The following CERS6 variants were observed in gnomAD, a reference collection of about 807,000 sequenced individuals.
CERS6 encodes the protein ceramide synthase 6, also known as LAG1 homolog, ceramide synthase 6.
CERS6 carries 26 observed loss-of-function variants against 56.8 expected under a neutral mutation model. The observed-to-expected ratio is 0.46, with a 90% CI of 0.34 to 0.63. The LOEUF (loss-of-function observed/expected upper bound fraction) is 0.63. Among genes scored for constraint, CERS6 ranks in the 30% least tolerant of loss-of-function variants. CERS6 has a pLI of 0.01. For synonymous variants in CERS6, 164 were observed against 173.3 expected, an observed-to-expected ratio of 0.95 and a Z score of 0.42; for missense variants, 415 against 467.5, an observed-to-expected ratio of 0.89 and a Z score of 1.04.
chr2:168,756,844 G>T (rs1386833707), intron 8 of CERS6, among the ~76,000 whole-genome samples: 1 of 152,096 alleles, frequency 6.6e-6, no homozygotes, highest in Non-Finnish European at 1.5e-5. Flanking sequence ...TTACATCCCT[G>T]TGCTTCCATG....
intron 8 of CERS6, among the ~76,000 whole-genome samples, chr2:168,757,621 C>T (rs952209797): frequency 1.3e-5 from 2 of 152,146 alleles, no homozygotes; most frequent in African/African-American, 2.4e-5. Context: ...GTGGCTCATG[C>T]CTGTAATCCC....
chr2:168,709,526 T>A (rs896615462), intron 6 of CERS6, among the ~76,000 whole-genome samples: 2 of 151,976 alleles, frequency 1.3e-5, no homozygotes, highest in Non-Finnish European at 2.9e-5. Context: ...TGGCTGTGAG[T>A]ATGTCCAGAA....
chr2:168,758,893 T>C (rs1029007087), intron 8 of CERS6, among the ~76,000 whole-genome samples: 11 of 152,236 alleles, frequency 7.2e-5, no homozygotes, highest in Admixed American at 5.2e-4. Context: ...ATGCTTAGAA[T>C]GCGAATCGGT....
At chr2:168,644,319 G>A in intron 4 of CERS6, 5 of 985,184 alleles carry the variant, frequency 5.1e-6, no homozygotes, top group Non-Finnish European at 1.2e-6. Flanking sequence ...ATAATAGAAA[G>A]TGGTAAGTCT....
intron 3 of CERS6, among the ~76,000 whole-genome samples, chr2:168,577,186 T>C (rs1683295911): frequency 6.6e-6 from 1 of 152,076 alleles, no homozygotes. Flanking sequence ...GGATGGAGGC[T>C]TGAGACAGCC....
intron 8 of CERS6, among the ~76,000 whole-genome samples, chr2:168,727,243 T>G (rs985745570): frequency 1.5e-5 from 2 of 136,066 alleles, no homozygotes; most frequent in Non-Finnish European, 3.5e-5. Flanking sequence ...CTCTGAAGAT[T>G]TCTACAATTA....
chr2:168,533,117 A>G (rs1047108031), intron 1 of CERS6, among the ~76,000 whole-genome samples: 2 of 152,226 alleles, frequency 1.3e-5, no homozygotes, highest in Non-Finnish European at 2.9e-5. Context: ...TACCTACACA[A>G]GTGGAATATT....
chr2:168,580,373 G>A (rs1683379280), intron 3 of CERS6, among the ~76,000 whole-genome samples: 1 of 151,474 alleles, frequency 6.6e-6, no homozygotes, highest in Non-Finnish European at 1.5e-5. Flanking sequence ...AGTTATTTTG[G>A]TGGTTATCCT....
intron 8 of CERS6, among the ~76,000 whole-genome samples, chr2:168,731,959 C>G (rs1423753867): frequency 2.0e-5 from 3 of 152,120 alleles, no homozygotes; most frequent in Non-Finnish European, 4.4e-5. Flanking sequence ...TGATCAGAAC[C>G]CTTTCTTATA....
chr2:168,772,173 A>G lies in CERS6; in HGVS notation c.*2511A>G, dbSNP rs542058805. The G allele has an allele frequency of 6.6e-6, 1 of 152,336 alleles. No individual in the cohort carries two copies. The highest frequency in any genetic ancestry group is 1.5e-5 in the Non-Finnish European group (1 of 68,026). The allele number at this position is 152,336 out of a possible 1,614,324, so 9.4% of individuals were successfully genotyped here. A position where few individuals can be genotyped will look rare whatever the true frequency, so the allele number is the denominator to read the frequency against. On this transcript the variant is annotated 3_prime_UTR_variant, in exon 10 of 10. Transcript: ENST00000305747. Reference sequence around the variant, plus strand: ...TGAAGTGTATTTTGTAAATTCAACTATAGGTTAGTCAGAATGCTGTTTTTC... The same window carrying G: ...TGAAGTGTATTTTGTAAATTCAACTGTAGGTTAGTCAGAATGCTGTTTTTC...
chr2:168,503,342 A>T (rs1310001081), intron 1 of CERS6, among the ~76,000 whole-genome samples: 5 of 152,194 alleles, frequency 3.3e-5, no homozygotes, highest in Admixed American at 2.0e-4. Context: ...AAAGCAGTAG[A>T]GTCATGGAAG....
chr2:168,486,645 G>A (rs1558968021), intron 1 of CERS6, among the ~76,000 whole-genome samples: 1 of 151,740 alleles, frequency 6.6e-6, no homozygotes, highest in Non-Finnish European at 1.5e-5. Context: ...GTATTTGTGT[G>A]GGTCTGTTTC....
intron 1 of CERS6, among the ~76,000 whole-genome samples, chr2:168,496,835 A>G (rs1694480194): frequency 6.6e-6 from 1 of 152,156 alleles, no homozygotes; most frequent in Non-Finnish European, 1.5e-5. Context: ...TCTAAAATGA[A>G]AATTTTACTT....
At chr2:168,673,519 G>T (rs1346859463) in intron 4 of CERS6, among the ~76,000 whole-genome samples, 1 of 152,192 alleles carries the variant, frequency 6.6e-6, no homozygotes. Context: ...GGAGAAAAAT[G>T]GTGGTGGTGA....
At chr2:168,496,812 G>T (rs953052678) in intron 1 of CERS6, among the ~76,000 whole-genome samples, 2 of 152,232 alleles carry the variant, frequency 1.3e-5, no homozygotes, top group South Asian at 4.1e-4. Flanking sequence ...TTAGTTTGGG[G>T]CTTCCATTTA....
intron 1 of CERS6, among the ~76,000 whole-genome samples, chr2:168,466,107 G>A (rs528373543): frequency 1.2e-4 from 2 of 17,244 alleles, no homozygotes; most frequent in Non-Finnish European, 2.1e-4. Flanking sequence ...GGTGAGGGGT[G>A]ATAGAAGGAA....
At chr2:168,565,450 A>G (rs1413226712) in intron 3 of CERS6, among the ~76,000 whole-genome samples, 1 of 152,230 alleles carries the variant, frequency 6.6e-6, no homozygotes. Context: ...CTAAAAGGTG[A>G]AATTAGAAAA....
chr2:168,483,109 T>G (rs1694206693), intron 1 of CERS6, among the ~76,000 whole-genome samples: 1 of 152,206 alleles, frequency 6.6e-6, no homozygotes, highest in Non-Finnish European at 1.5e-5. Context: ...AGATTATGGT[T>G]AACATTTATT....
intron 3 of CERS6, among the ~76,000 whole-genome samples, chr2:168,608,016 G>C (rs1440403923): frequency 1.3e-5 from 2 of 152,210 alleles, no homozygotes; most frequent in Non-Finnish European, 2.9e-5. Context: ...GGAGCAAACA[G>C]AGCAACTGTG....
Sources: gnomAD v4.1 joint callset for allele counts (sites outside exome capture counted in the v4.1 genomes callset) on GRCh38, gnomAD v4.1.1 for gene constraint, MANE v1.5 for transcripts, NCBI Gene and HGNC (gene_info 2026-07-23, HGNC 2026-07-21) for gene names.